Variants in EEPD1 observed in about 807,000 individuals in gnomAD.
EEPD1 encodes endonuclease/exonuclease/phosphatase family domain-containing protein 1.
Under a neutral mutation model 46.3 loss-of-function variants are expected in EEPD1, and 17 were observed. The observed-to-expected ratio is 0.37, with a 90% CI of 0.25 to 0.55. The LOEUF (loss-of-function observed/expected upper bound fraction) is 0.55. EEPD1 is among the 20% of genes least tolerant of loss of function. The pLI is 0.83. For missense variants in EEPD1, 673 were observed against 745.6 expected (o/e 0.90, Z 1.13); for synonymous variants, 313 against 315.6 (o/e 0.99, Z 0.09).
intron 6 of EEPD1, among the ~76,000 whole-genome samples, chr7:36,293,912 C>T (rs745766658): frequency 2.6e-4 from 40 of 151,550 alleles, no homozygotes; most frequent in African/African-American, 8.3e-4. Flanking sequence ...TGTAGTGAGC[C>T]GAGATCGTGC....
chr7:36,182,785 A>C (rs774735472), intron 2 of EEPD1, among the ~76,000 whole-genome samples: 1 of 152,254 alleles, frequency 6.6e-6, no homozygotes, highest in Non-Finnish European at 1.5e-5. Context: ...AGTGATGGAC[A>C]CGGGACCAAT....
Position 36,154,433 on chromosome 7 carries a change from C to G in EEPD1, c.109C>G (p.Gln37Glu). The G allele has an allele frequency of 6.2e-7, 1 of 1,614,184 alleles. No individual in the cohort carries two copies. Among genetic ancestry groups the G allele is most frequent in the Non-Finnish European group, 8.5e-7 (1 of 1,180,032 alleles). The change falls in exon 2 of 8, where the codon CAG (glutamine) becomes GAG (glutamate). Residue 37 changes from glutamine (Q) to glutamate (E), a missense_variant. By Grantham distance (29) the Gln-to-Glu change is conservative (BLOSUM62 2). Coordinates refer to ENST00000242108, the MANE Select transcript of EEPD1 (RefSeq NM_030636.3). The surrounding 1 kb of genome is among the most constrained non-coding windows in gnomAD (Gnocchi z 4.2). ...TAACTTCAGCAACATTCTAGTGAAT[C>G]AGGAGCGGCTCAACATCAACACTGC... The part of the protein sequence containing the change: ...ACNFSNILVN[Q>E]ERLNINTATE...
intron 2 of EEPD1, among the ~76,000 whole-genome samples, chr7:36,182,708 G>C (rs1193888352): frequency 6.6e-6 from 1 of 152,228 alleles, no homozygotes; most frequent in East Asian, 1.9e-4. Flanking sequence ...GGCAAGTCAG[G>C]ATTGGAACTC....
chr7:36,284,633 C>G (rs2115877261), intron 4 of EEPD1, 53 bp from the exon 5 acceptor site: 2 of 1,576,488 alleles, frequency 1.3e-6, no homozygotes, highest in East Asian at 4.7e-5. Context: ...CCTCCTTTCC[C>G]CAGGTGGCGC....
At chr7:36,259,192 C>T (rs1049051130) in intron 3 of EEPD1, among the ~76,000 whole-genome samples, 2 of 152,154 alleles carry the variant, frequency 1.3e-5, no homozygotes, top group African/African-American at 4.8e-5. Context: ...TAACCAGTCT[C>T]AATGAGATGA....
At chr7:36,268,157 T>G (rs1465830886) in intron 3 of EEPD1, among the ~76,000 whole-genome samples, 2 of 152,076 alleles carry the variant, frequency 1.3e-5, no homozygotes, top group Non-Finnish European at 2.9e-5. Flanking sequence ...AGTGTTTTGT[T>G]GTTGTTGTTT....
chr7:36,256,441 A>G (rs899314684), intron 3 of EEPD1, among the ~76,000 whole-genome samples: 2 of 152,154 alleles, frequency 1.3e-5, no homozygotes, highest in South Asian at 2.1e-4. Flanking sequence ...TCCCAGTATT[A>G]TTGTGTGGGA....
intron 3 of EEPD1, among the ~76,000 whole-genome samples, chr7:36,246,593 T>C (rs1156422039): frequency 6.6e-6 from 1 of 152,204 alleles, no homozygotes; most frequent in Non-Finnish European, 1.5e-5. Flanking sequence ...GAGATCGATC[T>C]GTTGCCATTA....
intron 2 of EEPD1, among the ~76,000 whole-genome samples, chr7:36,229,619 TCTC>T (rs1431076936): frequency 1.3e-5 from 2 of 152,246 alleles, no homozygotes; most frequent in Admixed American, 1.3e-4. Flanking sequence ...CCTGGCATCA[TCTC>T]CACCACCCCC....
At chr7:36,277,446 A>C (rs1224458824) in intron 3 of EEPD1, among the ~76,000 whole-genome samples, 2 of 152,228 alleles carry the variant, frequency 1.3e-5, no homozygotes, top group Non-Finnish European at 2.9e-5. Flanking sequence ...CAGCTTGAGA[A>C]GCTCGTAGCT....
At chr7:36,188,047 C>T (rs1003070179) in intron 2 of EEPD1, among the ~76,000 whole-genome samples, 3 of 152,174 alleles carry the variant, frequency 2.0e-5, no homozygotes, top group Non-Finnish European at 1.5e-5. Flanking sequence ...CCGCCTGCCT[C>T]GGCCTCCCAA....
At position 36,287,649 on chromosome 7, in the gene EEPD1, A is replaced by G. The variant is rs1315870195; in HGVS notation, c.1187A>G (p.His396Arg). The G allele has an allele frequency of 1.2e-6, 2 of 1,613,874 alleles. No homozygotes were observed. The highest frequency in any genetic ancestry group is 2.2e-5 in the South Asian group (2 of 91,076). ...PYLGRFKVGS[H>R]DLTLVNLHLA... ...TTTCCTGCTGCCTAGGTGGGAAGTCACGACCTGACCCTTGTTAACCTTCAC... is the reference window on the plus strand; with the variant it reads ...TTTCCTGCTGCCTAGGTGGGAAGTCGCGACCTGACCCTTGTTAACCTTCAC... Residue 396 changes from histidine to arginine, a missense_variant, in exon 6 of 8, where the codon CAC (histidine) becomes CGC (arginine). His to Arg is a conservative substitution (Grantham distance 29). Transcript: ENST00000242108.
intron 2 of EEPD1, among the ~76,000 whole-genome samples, chr7:36,188,653 C>T (rs1476746033): frequency 6.6e-6 from 1 of 152,148 alleles, no homozygotes; most frequent in African/African-American, 2.4e-5. Context: ...AAAATTTAAT[C>T]AGGGCCTTTG....
rs1003284585 is a variant in EEPD1, at chr7:36,259,064, A to G, written c.930+20028A>G. ...GCTGAAGTGCAGCGTTCCTTACATC[A>G]CAGTCCCTCATGGCTTCCCTTGGCT... On this transcript the variant is annotated intron_variant, in intron 3 of 7. Transcript: ENST00000242108. Among the ~76,000 whole-genome samples, 7 of 151,996 alleles carry G rather than the reference A, an allele frequency of 4.6e-5. No individual in the cohort carries two copies. The East Asian group carries it at 1.4e-3, about 29-fold the overall frequency.
At chr7:36,163,057 A>C (rs1784926281) in intron 2 of EEPD1, among the ~76,000 whole-genome samples, 1 of 152,148 alleles carries the variant, frequency 6.6e-6, no homozygotes, top group African/African-American at 2.4e-5. Context: ...TTTAAAAAAA[A>C]CACTTCTCTA....
chr7:36,185,240 A>AGCAT (rs1329031623), intron 2 of EEPD1, among the ~76,000 whole-genome samples: 2 of 152,256 alleles, frequency 1.3e-5, no homozygotes, highest in African/African-American at 4.8e-5. Context: ...TAAATGGAAT[A>AGCAT]GCATGCCATG....
chr7:36,223,129 C>T (rs746206504), intron 2 of EEPD1, among the ~76,000 whole-genome samples: 8 of 150,388 alleles, frequency 5.3e-5, no homozygotes, highest in East Asian at 1.9e-4. Context: ...CCAACCTGGG[C>T]GACAGAGTGA....
At chr7:36,227,171 G>A (rs1287435223) in intron 2 of EEPD1, among the ~76,000 whole-genome samples, 1 of 152,122 alleles carries the variant, frequency 6.6e-6, no homozygotes, top group Non-Finnish European at 1.5e-5. Context: ...GAATGGATTG[G>A]ATAATTTTCT....
chr7:36,173,497 TA>T (rs879764843), intron 2 of EEPD1, among the ~76,000 whole-genome samples: 393 of 141,344 alleles, frequency 2.8e-3, no homozygotes, highest in Admixed American at 2.7e-3. Flanking sequence ...GACTCCGTCT[TA>T]AAAAAAAAAA....
Sources: allele counts gnomAD v4.1 joint callset (sites outside exome capture counted in the v4.1 genomes callset), GRCh38; gene constraint gnomAD v4.1.1; non-coding constraint Gnocchi (gnomAD v3.1); transcripts MANE v1.5; gene names NCBI Gene and HGNC (gene_info 2026-07-23, HGNC 2026-07-21).